FOXN3: variants seen among roughly 807,000 people sequenced by gnomAD.
The protein encoded by FOXN3 is forkhead box protein N3.
FOXN3 carries 7 observed loss-of-function variants against 38.4 expected under a neutral mutation model. The ratio of observed to expected loss-of-function variants is 0.18; its 90% CI spans 0.10 to 0.34. The LOEUF is 0.34. Ranked by LOEUF, FOXN3 falls within the 10% of genes least tolerant of loss-of-function variation. The pLI is 1.00. For missense variants in FOXN3, 456 were observed against 613.4 expected (o/e 0.74, Z 2.71); for synonymous variants, 230 against 242.2 (o/e 0.95, Z 0.47).
At chr14:89,481,768 GAA>G (rs1296514803) in intron 1 of FOXN3, among the ~76,000 whole-genome samples, 1 of 152,180 alleles carries the variant, frequency 6.6e-6, no homozygotes, top group Non-Finnish European at 1.5e-5. Flanking sequence ...AAAAAGCTGA[GAA>G]GAGTGTCTGA....
intron 5 of FOXN3, among the ~76,000 whole-genome samples, chr14:89,165,505 G>T (rs1251722454): frequency 6.6e-6 from 1 of 152,228 alleles, no homozygotes; most frequent in Admixed American, 6.5e-5. Flanking sequence ...CAAGTCAGAG[G>T]AAACAGGCCC....
chr14:89,405,129 CTTTT>C (rs1346609584), intron 2 of FOXN3, among the ~76,000 whole-genome samples: 1 of 151,920 alleles, frequency 6.6e-6, no homozygotes, highest in Admixed American at 6.5e-5. Flanking sequence ...ACCTCAGTTT[CTTTT>C]TTTGTTGTTG....
At chr14:89,366,078 C>A (rs894162356) in intron 2 of FOXN3, among the ~76,000 whole-genome samples, 14 of 151,940 alleles carry the variant, frequency 9.2e-5, no homozygotes, top group African/African-American at 3.4e-4. Flanking sequence ...GGTGAAACCC[C>A]GTCTCTACTG....
At chr14:89,449,818 AG>A (rs1378337529) in intron 1 of FOXN3, among the ~76,000 whole-genome samples, 1 of 152,126 alleles carries the variant, frequency 6.6e-6, no homozygotes, top group Non-Finnish European at 1.5e-5. Flanking sequence ...GTTTTCCATC[AG>A]GCAGCCTCTA....
intron 4 of FOXN3, among the ~76,000 whole-genome samples, chr14:89,229,865 C>G (rs1182781519): frequency 6.6e-6 from 1 of 152,210 alleles, no homozygotes; most frequent in Admixed American, 6.5e-5. Context: ...AGACCTGGGC[C>G]AGCCCTGCAG....
chr14:89,511,311 T>C (rs866777742), intron 1 of FOXN3, among the ~76,000 whole-genome samples: 19 of 129,342 alleles, frequency 1.5e-4, no homozygotes, highest in East Asian at 4.7e-4. Context: ...TTCTTTCTTT[T>C]TTGAGACAGT....
chr14:89,614,694 G>C (rs930025206), intron 1 of FOXN3, among the ~76,000 whole-genome samples: 60 of 152,374 alleles, frequency 3.9e-4, no homozygotes, highest in African/African-American at 1.4e-3. Context: ...GCACAGCCCA[G>C]GTGACAATAG....
chr14:89,539,348 T>A (rs1253858204), intron 1 of FOXN3, among the ~76,000 whole-genome samples: 2 of 152,176 alleles, frequency 1.3e-5, no homozygotes, highest in African/African-American at 4.8e-5. Flanking sequence ...CCAAATTAAT[T>A]TAATGTTTGT....
At chr14:89,328,754 G>C (rs989074795) in intron 3 of FOXN3, among the ~76,000 whole-genome samples, 9 of 152,238 alleles carry the variant, frequency 5.9e-5, no homozygotes, top group African/African-American at 2.2e-4. Context: ...TGGGGCTCCA[G>C]AACAGGTAAT....
chr14:89,533,329 C>T (rs780425287), intron 1 of FOXN3, among the ~76,000 whole-genome samples: 1 of 152,182 alleles, frequency 6.6e-6, no homozygotes. Context: ...AAGCGCAATC[C>T]AGGGGCCAGC....
chr14:89,168,213 G>A (rs79398999), intron 5 of FOXN3, among the ~76,000 whole-genome samples: 13 of 152,294 alleles, frequency 8.5e-5, no homozygotes, highest in East Asian at 1.9e-4. Context: ...GAAATAATTC[G>A]TTACAGAATG....
rs756856402 is a variant in FOXN3 at position 89,499,076 on chromosome 14, C to T, written c.-14-86586G>A. On this transcript the variant is annotated intron_variant, in intron 1 of 6. Coordinates refer to the FOXN3 transcript ENST00000345097. The stretch of plus-strand genomic sequence containing the variant: ...TGTAGGAGTGTAGGAAGAGGTCACC[C>T]GTCCAGGAAAAGGCCCCACACTAGG... 3.0e-4 allele frequency among the ~76,000 whole-genome samples: 45 copies of T among 152,048 alleles called. 1 individual carries two copies. The highest frequency in any genetic ancestry group is 8.8e-5 in the Non-Finnish European group (6 of 67,998).
At chr14:89,433,279 C>T (rs1892201522) in intron 1 of FOXN3, among the ~76,000 whole-genome samples, 1 of 152,142 alleles carries the variant, frequency 6.6e-6, no homozygotes, top group South Asian at 2.1e-4. Context: ...GTCAGGAGTT[C>T]AAGACCAACC....
chr14:89,511,126 T>G (rs61229426), intron 1 of FOXN3, among the ~76,000 whole-genome samples: 12 of 36,234 alleles, frequency 3.3e-4, no homozygotes, highest in South Asian at 7.8e-4. Context: ...CTTGGTGTCT[T>G]TCTTTCTTTC....
At chr14:89,342,412 G>A (rs1363216336) in intron 3 of FOXN3, among the ~76,000 whole-genome samples, 4 of 152,186 alleles carry the variant, frequency 2.6e-5, no homozygotes, top group South Asian at 2.1e-4. Context: ...ACAGCATACC[G>A]AAGGCAAAAT....
intron 1 of FOXN3, among the ~76,000 whole-genome samples, chr14:89,481,936 G>A (rs949248717): frequency 5.9e-5 from 9 of 152,122 alleles, no homozygotes; most frequent in African/African-American, 1.2e-4. Flanking sequence ...GTAAACTGGC[G>A]TATGCTAGGA....
intron 1 of FOXN3, among the ~76,000 whole-genome samples, chr14:89,580,528 A>C (rs1895721267): frequency 6.6e-6 from 1 of 152,186 alleles, no homozygotes; most frequent in Non-Finnish European, 1.5e-5. Context: ...CTACTGGAAA[A>C]TGTTAGGCAA....
chr14:89,516,514 A>G (rs911176846), intron 1 of FOXN3, among the ~76,000 whole-genome samples: 2 of 152,010 alleles, frequency 1.3e-5, no homozygotes, highest in Non-Finnish European at 2.9e-5. Context: ...ACTTCTCAGC[A>G]CATGCAAAGT....
chr14:89,198,512 G>A lies in FOXN3; in HGVS notation c.746-17706C>T, dbSNP rs79541152. On this transcript the variant is annotated intron_variant, in intron 4 of 5. Coordinates refer to ENST00000557258, the MANE Select transcript of FOXN3 (RefSeq NM_005197.4). ...ATAAACAAAACTCCAAGTAAGCTGT[G>A]GATTTTGTGGGGAAATGCTGAGTAG... Among the ~76,000 whole-genome samples, 33 of 152,300 alleles carry A rather than the reference G, an allele frequency of 2.2e-4. No homozygotes were observed. In the East Asian group the frequency reaches 6.4e-3, roughly 29 times the overall value.
Sources: allele counts gnomAD v4.1 joint callset (sites outside exome capture counted in the v4.1 genomes callset), GRCh38; gene constraint gnomAD v4.1.1; transcripts MANE v1.5; gene names NCBI Gene and HGNC (gene_info 2026-07-23, HGNC 2026-07-21).